The following CDKL1 variants were observed in gnomAD, a reference collection of about 807,000 sequenced individuals.
CDKL1 encodes cyclin-dependent kinase-like 1.
In CDKL1, 41 loss-of-function variants were observed where a neutral mutation model predicts 42.0. The observed-to-expected ratio is 0.98, with a 90% CI of 0.76 to 1.27. The LOEUF is 1.27. Among genes scored for constraint, CDKL1 ranks in the 50% most tolerant of loss-of-function variants. CDKL1 has a pLI of 0.00. For missense variants in CDKL1, 394 were observed against 428.4 expected (o/e 0.92, Z 0.71); for synonymous variants, 153 against 158.6 (o/e 0.96, Z 0.26).
intron 2 of CDKL1, 113 bp downstream of exon 2, chr14:50,395,588 G>T: frequency 1.4e-6 from 1 of 695,422 alleles, no homozygotes; most frequent in East Asian, 2.7e-5. Context: ...CATGGCTTGA[G>T]CCCAGGAGTT....
intron 2 of CDKL1, among the ~76,000 whole-genome samples, chr14:50,384,945 C>A (rs1445068731): frequency 6.6e-6 from 1 of 151,628 alleles, no homozygotes; most frequent in South Asian, 2.1e-4. Flanking sequence ...ATGGCAGGCA[C>A]CTGTGATTCC....
chr14:50,385,180 T>C (rs2139529319), intron 2 of CDKL1, among the ~76,000 whole-genome samples: 1 of 150,690 alleles, frequency 6.6e-6, no homozygotes, highest in East Asian at 1.9e-4. Context: ...AGATTATTAA[T>C]TATAAAGGAG....
chr14:50,358,636 C>CTTTTGTTTTTTTTTTTT (rs2034134692), intron 3 of CDKL1, among the ~76,000 whole-genome samples: 1 of 67,644 alleles, frequency 1.5e-5, no homozygotes, highest in Non-Finnish European at 2.8e-5. Context: ...TTTAACTAGT[C>CTTTTGTTTTTTTTTTTT]TTTTTTTTTT....
chr14:50,338,908 G>T, intron 7 of CDKL1, 39 bp downstream of exon 7: 1 of 1,275,438 alleles, frequency 7.8e-7, no homozygotes, highest in Non-Finnish European at 1.1e-6. Flanking sequence ...AGCCTAGCTA[G>T]CCTGGCCTAC....
intron 2 of CDKL1, among the ~76,000 whole-genome samples, chr14:50,360,231 T>C (rs2034195884): frequency 6.6e-6 from 1 of 152,208 alleles, no homozygotes; most frequent in Middle Eastern, 3.4e-3. Context: ...AAATATATCA[T>C]CTTAATCATT....
chr14:50,332,216 ACT>A (rs758480039), intron 9 of CDKL1, 44 bp downstream of exon 9: 177 of 1,613,860 alleles, frequency 1.1e-4, no homozygotes, highest in East Asian at 2.9e-4. Flanking sequence ...CTAGATTCCA[ACT>A]CTCTGTACCA....
At chr14:50,333,619 C>A (rs1456260228) in intron 8 of CDKL1, 1 of 152,158 alleles carries the variant, frequency 6.6e-6, no homozygotes, top group Non-Finnish European at 1.5e-5. Context: ...AGTAGCCATT[C>A]TTTTATTCCT....
At chr14:50,356,007 G>A (rs1344282651) in intron 3 of CDKL1, among the ~76,000 whole-genome samples, 2 of 152,146 alleles carry the variant, frequency 1.3e-5, no homozygotes, top group African/African-American at 4.8e-5. Context: ...TCTATGTAGA[G>A]GGTGGCATGC....
chr14:50,397,180 G>C, upstream of CDKL1: 1 of 1,366,590 alleles, frequency 7.3e-7, no homozygotes, highest in South Asian at 1.1e-5. Context: ...AGCCCCTCCT[G>C]AGCGGTCCAC....
At chr14:50,371,290 AT>A (rs1325968773) in intron 2 of CDKL1, among the ~76,000 whole-genome samples, 1 of 152,122 alleles carries the variant, frequency 6.6e-6, no homozygotes, top group Non-Finnish European at 1.5e-5. Context: ...TGGTAATTCT[AT>A]TTTTAGTTTT....
At chr14:50,356,181 G>A (rs1303834197) in intron 3 of CDKL1, among the ~76,000 whole-genome samples, 1 of 152,140 alleles carries the variant, frequency 6.6e-6, no homozygotes, top group African/African-American at 2.4e-5. Context: ...TGTTGATATT[G>A]TCTAATAGAT....
rs904533277 is a variant in CDKL1 at position 50,328,151 on chromosome 14, A to C, written c.*1923T>G. 3 of 152,092 alleles carry C rather than the reference A, an allele frequency of 2.0e-5. No homozygotes were observed. Among genetic ancestry groups the C allele is most frequent in the Non-Finnish European group, 2.9e-5 (2 of 68,008 alleles). 9.4% of individuals were successfully genotyped at this position (152,092 alleles called of 1,614,324 possible). A position where few individuals can be genotyped will look rare whatever the true frequency, so the allele number is the denominator to read the frequency against. The stretch of plus-strand genomic sequence containing the variant: ...TTCTATTCTGAATAGTTTTTGGTAA[A>C]ACTATTGGCTGAATTATTAGGCTGT... On this transcript the variant is annotated 3_prime_UTR_variant, in exon 10 of 10. Transcript: ENST00000395834.
intron 6 of CDKL1, among the ~76,000 whole-genome samples, chr14:50,339,955 C>T (rs948083067): frequency 1.3e-5 from 2 of 152,152 alleles, no homozygotes; most frequent in Non-Finnish European, 2.9e-5. Context: ...ATTTACCTCT[C>T]ACTCAAATGC....
At chr14:50,342,988 C>T in intron 4 of CDKL1, 1 of 1,355,816 alleles carries the variant, frequency 7.4e-7, no homozygotes, top group Non-Finnish European at 9.8e-7. Flanking sequence ...AGATGCGGCC[C>T]CCCCTCCAGA....
At chr14:50,339,063 T>C (rs2033413348) in intron 6 of CDKL1, 34 bp from the exon 7 acceptor site, 2 of 1,406,116 alleles carry the variant, frequency 1.4e-6, no homozygotes. Context: ...TAAGTGAAAT[T>C]GGTTAGCAAA....
chr14:50,373,221 G>A (rs1177503651), intron 2 of CDKL1, among the ~76,000 whole-genome samples: 1 of 152,042 alleles, frequency 6.6e-6, no homozygotes, highest in African/African-American at 2.4e-5. Flanking sequence ...ATTTGTTAAA[G>A]TTGCAACAAA....
At chr14:50,378,560 G>A (rs1178794821) in intron 2 of CDKL1, 1 of 668,562 alleles carries the variant, frequency 1.5e-6, no homozygotes, top group Non-Finnish European at 2.2e-6. Context: ...TAGAGACAGG[G>A]TCATAATCTG....
At chr14:50,382,012 G>C (rs959314155) in intron 2 of CDKL1, among the ~76,000 whole-genome samples, 4 of 152,138 alleles carry the variant, frequency 2.6e-5, no homozygotes, top group African/African-American at 9.7e-5. Context: ...TTTTCAACCA[G>C]GCAATTTTAC....
intron 8 of CDKL1, chr14:50,333,486 C>T (rs1324255278): frequency 6.6e-6 from 1 of 151,922 alleles, no homozygotes; most frequent in Non-Finnish European, 1.5e-5. Flanking sequence ...GGGAGGAACC[C>T]TCAGTTCCAG....
Sources: gnomAD v4.1 joint callset for allele counts (sites outside exome capture counted in the v4.1 genomes callset) on GRCh38, gnomAD v4.1.1 for gene constraint, MANE v1.5 for transcripts, NCBI Gene and HGNC (gene_info 2026-07-23, HGNC 2026-07-21) for gene names.